Variants in ADGRF5 observed in about 807,000 individuals in gnomAD.
The protein encoded by ADGRF5 is G-protein coupled receptor 116.
Under a neutral mutation model 132.3 loss-of-function variants are expected in ADGRF5, and 75 were observed. The ratio of observed to expected loss-of-function variants is 0.57; its 90% CI spans 0.47 to 0.69. ADGRF5 has a LOEUF of 0.69. Among genes scored for constraint, ADGRF5 ranks in the 30% least tolerant of loss-of-function variants. The pLI is 0.00. For synonymous variants in ADGRF5, 629 were observed against 597.6 expected, an observed-to-expected ratio of 1.05 and a Z score of -0.77; for missense variants, 1,516 against 1,630.6, an observed-to-expected ratio of 0.93 and a Z score of 1.21.
Position 46,889,895 on chromosome 6 carries a change from C to T in ADGRF5, c.158-1390G>A, listed in dbSNP as rs1773473744. Among the ~76,000 whole-genome samples the T allele has an allele frequency of 2.0e-5, 3 of 151,562 alleles. No homozygotes were observed. In the South Asian group the frequency reaches 6.2e-4, roughly 31 times the overall value. The stretch of plus-strand genomic sequence containing the variant: ...TCATGTTTCTTTCACTTCTCTTAGC[C>T]TTACTTACTCCATCTGGCAAAGAGC... On this transcript the variant is annotated intron_variant, in intron 3 of 20. Coordinates refer to ENST00000283296, the MANE Select transcript of ADGRF5 (RefSeq NM_001098518.2).
chr6:46,918,728 TCTC>T (rs1428924388), intron 1 of ADGRF5, among the ~76,000 whole-genome samples: 4 of 152,186 alleles, frequency 2.6e-5, no homozygotes, highest in Admixed American at 2.0e-4. Context: ...GTGTCGGAAA[TCTC>T]CTCTTCATTC....
At chr6:46,909,107 G>A (rs1298852293) in intron 1 of ADGRF5, 1 of 151,978 alleles carries the variant, frequency 6.6e-6, no homozygotes, top group African/African-American at 2.4e-5. Flanking sequence ...AGCAAAAACT[G>A]TTTAACTTGG....
chr6:46,876,190 G>A (rs184019120), intron 10 of ADGRF5, among the ~76,000 whole-genome samples: 1 of 152,352 alleles, frequency 6.6e-6, no homozygotes, highest in African/African-American at 2.4e-5. Flanking sequence ...AGGGTGCCAA[G>A]GCAGAGGCTA....
At chr6:46,856,173 T>C in intron 19 of ADGRF5, 115 bp from the exon 20 acceptor site, 1 of 648,872 alleles carries the variant, frequency 1.5e-6, no homozygotes, top group Non-Finnish European at 2.8e-6. Context: ...GAATCTCTAG[T>C]CCCACTCCCA....
chr6:46,882,889 G>A (rs1454910872), intron 6 of ADGRF5, among the ~76,000 whole-genome samples: 1 of 152,212 alleles, frequency 6.6e-6, no homozygotes, highest in East Asian at 1.9e-4. Flanking sequence ...GCAGGGCTCA[G>A]CTGACAGCCT....
intron 1 of ADGRF5, among the ~76,000 whole-genome samples, chr6:46,915,070 G>T (rs1268660959): frequency 6.6e-6 from 1 of 151,840 alleles, no homozygotes; most frequent in East Asian, 1.9e-4. Flanking sequence ...TGGCCAGGCT[G>T]GTCTTGAACT....
intron 10 of ADGRF5, among the ~76,000 whole-genome samples, chr6:46,874,809 T>A (rs1284033944): frequency 6.6e-6 from 1 of 152,212 alleles, no homozygotes; most frequent in East Asian, 1.9e-4. Flanking sequence ...GCTTTACACA[T>A]TAGATGTGCT....
intron 1 of ADGRF5, among the ~76,000 whole-genome samples, chr6:46,936,399 CA>C (rs1307214686): frequency 1.3e-5 from 2 of 152,168 alleles, no homozygotes; most frequent in Non-Finnish European, 2.9e-5. Flanking sequence ...ATCTGCCTGC[CA>C]AACCTGCCTT....
At chr6:46,919,959 G>T (rs933611147) in intron 1 of ADGRF5, among the ~76,000 whole-genome samples, 1 of 152,116 alleles carries the variant, frequency 6.6e-6, no homozygotes, top group Non-Finnish European at 1.5e-5. Context: ...AACATTGTTG[G>T]TGGGGAGGGG....
At chr6:46,949,996 G>C (rs1261185548) in intron 1 of ADGRF5, among the ~76,000 whole-genome samples, 2 of 152,188 alleles carry the variant, frequency 1.3e-5, no homozygotes, top group African/African-American at 2.4e-5. Context: ...CTGGTGAAAA[G>C]TCAGCTATCC....
intron 1 of ADGRF5, among the ~76,000 whole-genome samples, chr6:46,915,735 C>G (rs191855783): frequency 4.1e-4 from 63 of 152,068 alleles, no homozygotes; most frequent in Middle Eastern, 3.4e-3. Flanking sequence ...CTTTATCCCC[C>G]CACCCCCAAC....
At chr6:46,892,024 A>G (rs1773693442) in intron 3 of ADGRF5, among the ~76,000 whole-genome samples, 1 of 152,072 alleles carries the variant, frequency 6.6e-6, no homozygotes, top group Non-Finnish European at 1.5e-5. Context: ...CCTTGAAAAT[A>G]CTCAATTATT....
chr6:46,953,649 G>GTATATATATATATATATATATATATA (rs1408461844), intron 1 of ADGRF5, among the ~76,000 whole-genome samples: 1 of 91,506 alleles, frequency 1.1e-5, no homozygotes, highest in Non-Finnish European at 2.1e-5. Flanking sequence ...ATAGATATAT[G>GTATATATATATATATATATATATATA]TGTATATATA....
chr6:46,921,125 C>T (rs904939208), intron 1 of ADGRF5, among the ~76,000 whole-genome samples: 19 of 152,184 alleles, frequency 1.2e-4, no homozygotes. Flanking sequence ...AGCACTTTTA[C>T]TGACCTCCTT....
At chr6:46,918,495 T>C (rs952268849) in intron 1 of ADGRF5, among the ~76,000 whole-genome samples, 1 of 152,206 alleles carries the variant, frequency 6.6e-6, no homozygotes, top group East Asian at 1.9e-4. Context: ...TCAGTATTTC[T>C]TTTTTTCCCC....
In ADGRF5 at chr6:46,877,243, C is replaced by CT. The variant is rs554826433; in HGVS notation, c.1240+958dup. Among the ~76,000 whole-genome samples, 58 of 29,776 alleles carry CT rather than the reference C, an allele frequency of 1.9e-3. No individual in the cohort carries two copies. The South Asian group carries it at 0.038, about 19-fold the overall frequency. The allele number at this position is 29,776 out of a possible 152,430, so 19.5% of individuals were successfully genotyped here. A position where few individuals can be genotyped will look rare whatever the true frequency, so the allele number is the denominator to read the frequency against. ...ATTTCCTCTCTTTCTTTCTTTCTTT[C>CT]TTTCTTTCTTTCTTTCTTTCTTTCT... On this transcript the variant is annotated intron_variant, in intron 10 of 20. Transcript: ENST00000283296.
chr6:46,935,895 T>G (rs560641345), intron 1 of ADGRF5, among the ~76,000 whole-genome samples: 6 of 152,256 alleles, frequency 3.9e-5, no homozygotes, highest in Middle Eastern at 3.4e-3. Context: ...GCAGGAAGCC[T>G]TGTAGGGGGA....
chr6:46,935,973 C>A (rs548592611), intron 1 of ADGRF5, among the ~76,000 whole-genome samples: 2 of 152,208 alleles, frequency 1.3e-5, no homozygotes, highest in East Asian at 3.8e-4. Flanking sequence ...ATCAGGAATG[C>A]GGAATGAATG....
At chr6:46,925,829 C>T (rs1020323022), upstream of ADGRF5, among the ~76,000 whole-genome samples, 3 of 152,192 alleles carry the variant, frequency 2.0e-5, no homozygotes, top group African/African-American at 7.2e-5. Flanking sequence ...ACGCCACAGC[C>T]CTGGCCAGCA....
Sources: allele counts gnomAD v4.1 joint callset (sites outside exome capture counted in the v4.1 genomes callset), GRCh38; gene constraint gnomAD v4.1.1; transcripts MANE v1.5; gene names NCBI Gene and HGNC (gene_info 2026-07-23, HGNC 2026-07-21).